Variants in ZFP90 observed in about 807,000 individuals in gnomAD.
ZFP90 encodes the protein ZFP90 zinc finger protein, also known as zinc finger protein 90 homolog.
ZFP90 carries 38 observed loss-of-function variants against 60.8 expected under a neutral mutation model. That is an observed-to-expected ratio of 0.62 (90% CI 0.48 to 0.82). The LOEUF is 0.82. Ranked by LOEUF, ZFP90 falls within the 40% of genes least tolerant of loss-of-function variation. ZFP90 has a pLI of 0.00. For missense variants in ZFP90, 711 were observed against 759.1 expected (o/e 0.94, Z 0.74); for synonymous variants, 287 against 264.8 (o/e 1.08, Z -0.82).
intron 1 of ZFP90, 97 bp downstream of exon 1, chr16:68,539,576 G>A (rs1376636764): frequency 9.1e-6 from 5 of 547,256 alleles, no homozygotes; most frequent in Non-Finnish European, 1.6e-5. Context: ...GCCGGAGGGG[G>A]GTGTCCGGGA....
rs1351503824 is a variant in ZFP90 at position 68,558,183 on chromosome 16, T to C, written c.160+59T>C. 6 of 1,599,978 alleles carry C rather than the reference T, an allele frequency of 3.8e-6. No homozygotes were observed. The African/African-American group carries it at 5.4e-5, about 14-fold the overall frequency. ...GATGGGCCTTTCCTTCCTTGGTTGCTATAGTGGTGGTGCCCAGAGCTTAGG... is the reference window on the plus strand; with the variant it reads ...GATGGGCCTTTCCTTCCTTGGTTGCCATAGTGGTGGTGCCCAGAGCTTAGG... On this transcript the variant is annotated intron_variant, in intron 3 of 4. Coordinates refer to ENST00000563169, the MANE Select transcript of ZFP90 (RefSeq NM_001305203.2).
intron 2 of ZFP90, among the ~76,000 whole-genome samples, chr16:68,545,836 T>G (rs1376990136): frequency 1.3e-5 from 2 of 151,966 alleles, no homozygotes; most frequent in East Asian, 3.9e-4. Flanking sequence ...GTTTCAAAAA[T>G]AAGATTCTTT....
At chr16:68,541,481 C>T (rs1380675247) in intron 2 of ZFP90, among the ~76,000 whole-genome samples, 1 of 151,734 alleles carries the variant, frequency 6.6e-6, no homozygotes, top group East Asian at 1.9e-4. Context: ...CCACCATGCC[C>T]AGCTAATTTT....
chr16:68,534,514 C>T (rs1020359169), upstream of ZFP90, among the ~76,000 whole-genome samples: 1 of 151,114 alleles, frequency 6.6e-6, no homozygotes, highest in African/African-American at 2.4e-5. Context: ...AGGCGTGAGC[C>T]ACTGCGCCCG....
intron 2 of ZFP90, chr16:68,573,643 T>C (rs961007730): frequency 6.6e-6 from 1 of 152,152 alleles, no homozygotes; most frequent in Non-Finnish European, 1.5e-5. Flanking sequence ...TTAGAAAAGT[T>C]TACACCACCA....
At chr16:68,557,125 C>G (rs562497855) in intron 2 of ZFP90, 1 of 450,158 alleles carries the variant, frequency 2.2e-6, no homozygotes, top group African/African-American at 2.0e-5. Context: ...GTAGCTGGGA[C>G]TGTAGGCACA....
upstream of ZFP90, among the ~76,000 whole-genome samples, chr16:68,538,163 C>T (rs1458208369): frequency 2.6e-5 from 4 of 152,176 alleles, no homozygotes; most frequent in Non-Finnish European, 1.5e-5. Flanking sequence ...CCGCCAGCCT[C>T]AGCCTCCCAA....
At chr16:68,576,201 C>T (rs1406908723), downstream of ZFP90, 1 of 169,468 alleles carries the variant, frequency 5.9e-6, no homozygotes, top group African/African-American at 2.4e-5. Context: ...ATCTTCAAAG[C>T]CCCATTCCCA....
Position 68,566,963 on chromosome 16 carries a change from T to C in ZFP90, c.*2265T>C, listed in dbSNP as rs1371906580. The C allele has an allele frequency of 1.3e-5, 13 of 985,604 alleles. No individual in the cohort carries two copies. Among genetic ancestry groups the C allele is most frequent in the African/African-American group, 1.7e-5 (1 of 57,354 alleles). 61.1% of individuals were successfully genotyped at this position (985,604 alleles called of 1,614,324 possible). A position where few individuals can be genotyped will look rare whatever the true frequency, so the allele number is the denominator to read the frequency against. ...CACTCTGAAACTCAGCACATCTTCA[T>C]TGACAGGGAGGGAGCCCAGGACATA... is the stretch of plus-strand genomic sequence containing the variant. On this transcript the variant is annotated 3_prime_UTR_variant, in exon 5 of 5. Transcript: ENST00000563169.
chr16:68,536,174 G>A (rs2090959385), upstream of ZFP90, among the ~76,000 whole-genome samples: 1 of 152,172 alleles, frequency 6.6e-6, no homozygotes, highest in African/African-American at 2.4e-5. Flanking sequence ...AGGTACCAGT[G>A]CAGGTTTTAA....
downstream of ZFP90, among the ~76,000 whole-genome samples, chr16:68,571,818 G>C (rs1343434326): frequency 6.6e-6 from 1 of 152,014 alleles, no homozygotes; most frequent in Non-Finnish European, 1.5e-5. Context: ...AAAAAGTCTT[G>C]GCACTGTCAG....
Position 68,564,620 on chromosome 16 carries a change from T to C in ZFP90, c.1833T>C (p.Cys611=). 6.2e-7 allele frequency: 1 copy of C among 1,614,018 alleles called. No individual in the cohort carries two copies. The highest frequency in any genetic ancestry group is 8.5e-7 in the Non-Finnish European group (1 of 1,179,974). The change falls in exon 5 of 5, where the codon TGT becomes TGC. Residue 611 remains cysteine, a synonymous_variant. Coordinates refer to ENST00000563169, the MANE Select transcript of ZFP90 (RefSeq NM_001305203.2). ...ATACTGGAGAAAAACCCTATTCTTG[T>C]AAGGAATGTGGGAAAAACTTCAGCC... is the stretch of plus-strand genomic sequence containing the variant. The part of the protein sequence containing the change: ...RIHTGEKPYS[C]KECGKNFSRS...
At position 68,566,441 on chromosome 16, in the gene ZFP90, T is replaced by C. The variant is rs770510305; in HGVS notation, c.*1743T>C. ...ATTCTTTGCATGCCACATAGCAGGA[T>C]TCATTGCCTTTCTCTCATCATGGAT... is the stretch of plus-strand genomic sequence containing the variant. On this transcript the variant is annotated 3_prime_UTR_variant, in exon 5 of 5. Transcript: ENST00000563169. 2.0e-6 allele frequency: 2 copies of C among 985,430 alleles called. No homozygotes were observed. Among genetic ancestry groups the C allele is most frequent in the African/African-American group, 3.5e-5 (2 of 57,232 alleles). The allele number at this position is 985,430 out of a possible 1,614,324, so 61.0% of individuals were successfully genotyped here. A position where few individuals can be genotyped will look rare whatever the true frequency, so the allele number is the denominator to read the frequency against.
At chr16:68,545,229 C>G (rs934823638) in intron 2 of ZFP90, among the ~76,000 whole-genome samples, 3 of 151,910 alleles carry the variant, frequency 2.0e-5, no homozygotes, top group Admixed American at 6.6e-5. Context: ...GTGCATTTAC[C>G]CAGCCTTCTC....
intron 2 of ZFP90, among the ~76,000 whole-genome samples, chr16:68,540,122 C>T (rs1233798766): frequency 6.6e-6 from 1 of 152,062 alleles, no homozygotes; most frequent in Non-Finnish European, 1.5e-5. Context: ...TTTTTGAACT[C>T]TTGTCAATAA....
At chr16:68,552,300 G>A (rs567890230) in intron 2 of ZFP90, among the ~76,000 whole-genome samples, 24 of 152,332 alleles carry the variant, frequency 1.6e-4, no homozygotes, top group Non-Finnish European at 3.1e-4. Context: ...TCTCGCCTCT[G>A]GAAATTTGAA....
At chr16:68,574,428 A>G (rs544971247) in intron 2 of ZFP90, among the ~76,000 whole-genome samples, 28 of 151,906 alleles carry the variant, frequency 1.8e-4, no homozygotes, top group Admixed American at 1.7e-3. Flanking sequence ...TATACTCCCA[A>G]TAACAGTGGT....
At chr16:68,554,310 C>T (rs1043934507) in intron 2 of ZFP90, among the ~76,000 whole-genome samples, 5 of 151,684 alleles carry the variant, frequency 3.3e-5, no homozygotes, top group African/African-American at 1.2e-4. Context: ...TTAGTAGAGA[C>T]GGTTTCATTC....
chr16:68,549,547 C>T (rs1054459502), intron 2 of ZFP90, among the ~76,000 whole-genome samples: 2 of 151,820 alleles, frequency 1.3e-5, no homozygotes, highest in African/African-American at 4.8e-5. Flanking sequence ...GGCGTGGTGG[C>T]GGGTGCCTGT....
Sources: allele counts gnomAD v4.1 joint callset (sites outside exome capture counted in the v4.1 genomes callset), GRCh38; gene constraint gnomAD v4.1.1; transcripts MANE v1.5; gene names NCBI Gene and HGNC (gene_info 2026-07-23, HGNC 2026-07-21).